The following SLC35D2 variants were observed in gnomAD, a reference collection of about 807,000 sequenced individuals.
SLC35D2 encodes the protein nucleotide sugar transporter SLC35D2.
SLC35D2 carries 43 observed loss-of-function variants against 41.8 expected under a neutral mutation model. That is an observed-to-expected ratio of 1.03 (90% CI 0.81 to 1.33). The LOEUF is 1.33. SLC35D2 is among the 40% of genes most tolerant of loss of function. The pLI, the probability that SLC35D2 is intolerant of heterozygous loss-of-function variation, is 0.00. For synonymous variants in SLC35D2, 150 were observed against 163.9 expected, an observed-to-expected ratio of 0.92 and a Z score of 0.65; for missense variants, 380 against 408.4, an observed-to-expected ratio of 0.93 and a Z score of 0.60.
chr9:96,317,945 A>G (rs919198499), downstream of SLC35D2, among the ~76,000 whole-genome samples: 16 of 106,516 alleles, frequency 1.5e-4, no homozygotes, highest in African/African-American at 5.5e-4. Flanking sequence ...GCTGAGACAC[A>G]AGATCACTTG....
chr9:96,347,623 G>A (rs763212096), intron 6 of SLC35D2, among the ~76,000 whole-genome samples: 21 of 152,002 alleles, frequency 1.4e-4, no homozygotes, highest in Non-Finnish European at 2.4e-4. Flanking sequence ...AAGCAATCCC[G>A]TCACCTGGGC....
chr9:96,325,166 T>G (rs1587830800), intron 9 of SLC35D2, among the ~76,000 whole-genome samples: 1 of 152,190 alleles, frequency 6.6e-6, no homozygotes, highest in Non-Finnish European at 1.5e-5. Context: ...GCCTTGTGGA[T>G]GAGCGCCAGA....
rs566932414 is a variant in SLC35D2 at position 96,321,153 on chromosome 9, G to A, written c.*89C>T. 17 of 979,594 alleles carry A rather than the reference G, an allele frequency of 1.7e-5. No homozygotes were observed. Among genetic ancestry groups the A allele is most frequent in the Admixed American group, 9.9e-5 (5 of 50,556 alleles). The allele number at this position is 979,594 out of a possible 1,614,324, so 60.7% of individuals were successfully genotyped here. On this transcript the variant is annotated 3_prime_UTR_variant, in exon 12 of 12. Transcript: ENST00000253270. ...CACTTGCCCAGGGGGTGGATGTCAC[G>A]AATCCGAAACCTCTGGCTTCACATT...
At chr9:96,328,734 C>T (rs947241938) in intron 9 of SLC35D2, among the ~76,000 whole-genome samples, 1 of 152,170 alleles carries the variant, frequency 6.6e-6, no homozygotes, top group African/African-American at 2.4e-5. Flanking sequence ...ACTCAACAAA[C>T]GTTCAAATAT....
At chr9:96,375,532 C>G (rs1830906158) in intron 1 of SLC35D2, among the ~76,000 whole-genome samples, 1 of 150,780 alleles carries the variant, frequency 6.6e-6, no homozygotes, top group Non-Finnish European at 1.5e-5. Context: ...GAGCCAAGAT[C>G]ATGCCATTGC....
intron 10 of SLC35D2, among the ~76,000 whole-genome samples, chr9:96,322,718 T>G (rs956769803): frequency 9.7e-5 from 4 of 41,240 alleles, no homozygotes; most frequent in Non-Finnish European, 1.3e-4. Flanking sequence ...TTTTCTGGGG[T>G]TTTTTTTTTT....
intron 8 of SLC35D2, among the ~76,000 whole-genome samples, chr9:96,339,076 C>T (rs928178938): frequency 5.3e-5 from 8 of 152,122 alleles, no homozygotes; most frequent in African/African-American, 1.9e-4. Context: ...TTTTGTGACT[C>T]TCATAAAATA....
chr9:96,344,174 T>C (rs1829464466), intron 7 of SLC35D2, among the ~76,000 whole-genome samples, 178 bp from the exon 8 acceptor site: 1 of 152,140 alleles, frequency 6.6e-6, no homozygotes, highest in Admixed American at 6.5e-5. Context: ...GGTACTGAGA[T>C]TTTGGAATAA....
rs1435108090 is a variant in SLC35D2, at chr9:96,321,263, G to GA, written c.992dup (p.Cys332LeufsTer28). The GA allele has an allele frequency of 1.2e-6, 2 of 1,613,506 alleles. No homozygotes were observed. The highest frequency in any genetic ancestry group is 2.7e-5 in the African/African-American group (2 of 74,890). Reference sequence around the variant, plus strand: ...CTCTTTAGCTCTTCAAATCCAAACAGATGTTTTCTTCACCCACAGGTTTAG... The same window carrying GA: ...CTCTTTAGCTCTTCAAATCCAAACAGAATGTTTTCTTCACCCACAGGTTTAG... On this transcript the variant is annotated frameshift_variant, in exon 12 of 12. Coordinates refer to ENST00000253270, the MANE Select transcript of SLC35D2 (RefSeq NM_007001.3). LOFTEE classifies it high-confidence loss of function.
At position 96,342,724 on chromosome 9, in the gene SLC35D2, C is replaced by G. The variant is rs1289121585; in HGVS notation, c.684+1180G>C. On this transcript the variant is annotated intron_variant, in intron 8 of 11. Coordinates refer to ENST00000253270, the MANE Select transcript of SLC35D2 (RefSeq NM_007001.3). ...TGTGCCCGGGGACGAGGTTGCTAAG[C>G]CCTTCTGCTGATCCCTCCTTCTGGG... Among the ~76,000 whole-genome samples the G allele has an allele frequency of 3.3e-5, 5 of 152,246 alleles. No individual in the cohort carries two copies. The East Asian group carries it at 9.7e-4, about 29-fold the overall frequency.
intron 8 of SLC35D2, among the ~76,000 whole-genome samples, chr9:96,338,319 G>A (rs1034007362): frequency 6.6e-6 from 1 of 152,066 alleles, no homozygotes; most frequent in Non-Finnish European, 1.5e-5. Context: ...TCTCCAATCT[G>A]TACCATCTTG....
chr9:96,344,406 T>C (rs1268177649), intron 7 of SLC35D2, among the ~76,000 whole-genome samples: 1 of 151,274 alleles, frequency 6.6e-6, no homozygotes, highest in Non-Finnish European at 1.5e-5. Flanking sequence ...ATCATATATT[T>C]ACTTTCATTA....
Position 96,321,228 on chromosome 9 carries a change from C to A in SLC35D2, c.*14G>T. On this transcript the variant is annotated 3_prime_UTR_variant, in exon 12 of 12. Transcript: ENST00000253270. ...CGCAGTCACAAGTCAGTCTCCAATC[C>A]TGCTGCAGACTCTTTAGCTCTTCAA... The A allele has an allele frequency of 6.3e-7, 1 of 1,589,602 alleles. No homozygotes were observed. The highest frequency in any genetic ancestry group is 1.3e-5 in the African/African-American group (1 of 74,528).
At chr9:96,358,634 A>G (rs1452950094) in intron 4 of SLC35D2, among the ~76,000 whole-genome samples, 1 of 152,230 alleles carries the variant, frequency 6.6e-6, no homozygotes, top group Non-Finnish European at 1.5e-5. Flanking sequence ...TAGTCTGAAC[A>G]TTGATAAAGG....
chr9:96,374,699 G>A (rs1489651675), intron 1 of SLC35D2, among the ~76,000 whole-genome samples: 1 of 136,876 alleles, frequency 7.3e-6, no homozygotes, highest in Middle Eastern at 5.7e-3. Flanking sequence ...TTAGCCGAGC[G>A]TGGTGGCAGG....
intron 3 of SLC35D2, among the ~76,000 whole-genome samples, chr9:96,363,104 T>G (rs1213829228): frequency 6.6e-6 from 1 of 151,956 alleles, no homozygotes; most frequent in Non-Finnish European, 1.5e-5. Flanking sequence ...CTTGAACTCG[T>G]GATCTGCCTG....
chr9:96,363,172 T>A (rs79093773), intron 3 of SLC35D2, among the ~76,000 whole-genome samples: 1,615 of 151,426 alleles, frequency 0.011, 28 homozygotes, highest in African/African-American at 0.036. Context: ...TGGCTTATTT[T>A]TTTTTTTTTT....
At chr9:96,359,632 G>GT (rs1489230925) in intron 4 of SLC35D2, among the ~76,000 whole-genome samples, 1 of 151,814 alleles carries the variant, frequency 6.6e-6, no homozygotes, top group Non-Finnish European at 1.5e-5. Context: ...GGAGGTTGTA[G>GT]TGAGTCAAGA....
chr9:96,358,078 T>TAATATATATA (rs1491320526), intron 4 of SLC35D2, among the ~76,000 whole-genome samples: 10 of 79,230 alleles, frequency 1.3e-4, no homozygotes, highest in South Asian at 3.4e-4. Flanking sequence ...ATATTATATA[T>TAATATATATA]TTTATATATA....
Sources: gnomAD v4.1 joint callset for allele counts (sites outside exome capture counted in the v4.1 genomes callset) on GRCh38, gnomAD v4.1.1 for gene constraint, MANE v1.5 for transcripts, NCBI Gene and HGNC (gene_info 2026-07-23, HGNC 2026-07-21) for gene names.